Variants in FMO5 observed in about 807,000 individuals in gnomAD.
The protein encoded by FMO5 is flavin-containing monooxygenase 5.
A neutral mutation model predicts 43.6 loss-of-function variants in FMO5; 51 were observed. The observed-to-expected ratio is 1.17, with a 90% CI of 0.93 to 1.48. FMO5 has a LOEUF of 1.48. Ranked by LOEUF, FMO5 falls within the 40% of genes most tolerant of loss-of-function variation. The pLI is 0.00. For missense variants in FMO5, 644 were observed against 643.0 expected (o/e 1.00, Z -0.02); for synonymous variants, 187 against 216.5 (o/e 0.86, Z 1.20).
In FMO5 at chr1:147,213,299, G is replaced by C. The variant is rs1178936982; in HGVS notation, c.487+9C>G. The C allele has an allele frequency of 5.6e-6, 9 of 1,596,680 alleles. No homozygotes were observed. In the Admixed American group the frequency reaches 1.5e-4, roughly 27 times the overall value. ...GGTCAAGGGTCTTCCTTCCTGGTAA[G>C]CTGCTCACCAGGGAAGCTTTCCAGA... On this transcript the variant is annotated intron_variant, in intron 4 of 8. Transcript: ENST00000254090.
intron 2 of FMO5, among the ~76,000 whole-genome samples, chr1:147,220,999 G>A (rs1662919681): frequency 6.7e-6 from 1 of 149,218 alleles, no homozygotes; most frequent in South Asian, 2.1e-4. Flanking sequence ...CTTGATGGGA[G>A]GTGAGGAGAA....
At chr1:147,221,121 T>G (rs2102064370) in intron 2 of FMO5, among the ~76,000 whole-genome samples, 1 of 132,526 alleles carries the variant, frequency 7.5e-6, no homozygotes, top group African/African-American at 2.8e-5. Flanking sequence ...GCCCCAAAAC[T>G]ATCAAGGGCA....
At chr1:147,208,810 T>C in intron 6 of FMO5, 42 bp downstream of exon 6, 1 of 1,532,662 alleles carries the variant, frequency 6.5e-7, no homozygotes, top group South Asian at 1.1e-5. Context: ...CTTATTCTTG[T>C]GCTTTGGCCA....
chr1:147,188,154 C>A (rs1332394540), intron 8 of FMO5, among the ~76,000 whole-genome samples: 4 of 152,014 alleles, frequency 2.6e-5, no homozygotes, highest in Admixed American at 2.6e-4. Flanking sequence ...GAGAGCTTTC[C>A]CTTATGAACA....
Position 147,201,182 on chromosome 1 carries a change from G to T in FMO5, c.1153C>A (p.Gln385Lys). ...LGAIMPISEL[Q>K]GRWATQVFKG... ...AATACCTGAGTGGCCCAGCGTCCTTGGAGCTCTGAAATGGGCATAATGGCT... is the reference window on the plus strand; with the variant it reads ...AATACCTGAGTGGCCCAGCGTCCTTTGAGCTCTGAAATGGGCATAATGGCT... The change falls in exon 7 of 9, where the codon CAA (glutamine) becomes AAA (lysine). Residue 385 changes from glutamine (Q) to lysine (K), a missense_variant. Physicochemically the swap from Gln to Lys is moderately conservative, Grantham distance 53. Transcript: ENST00000254090. 2 of 1,613,730 alleles carry T rather than the reference G, an allele frequency of 1.2e-6. No homozygotes were observed. The highest frequency in any genetic ancestry group is 1.7e-6 in the Non-Finnish European group (2 of 1,179,852).
At chr1:147,190,144 G>T in intron 8 of FMO5, 33 bp downstream of exon 8, 1 of 1,366,742 alleles carries the variant, frequency 7.3e-7, no homozygotes, top group Non-Finnish European at 1.0e-6. Context: ...AAGTAGAAAT[G>T]TAACCATATA....
intron 7 of FMO5, among the ~76,000 whole-genome samples, chr1:147,198,702 C>T (rs781976503): frequency 1.3e-4 from 19 of 151,716 alleles, no homozygotes; most frequent in Admixed American, 2.6e-4. Context: ...CACAAAAAAA[C>T]TAGCCGGGCA....
At chr1:147,184,983 T>C (rs116082143), downstream of FMO5, among the ~76,000 whole-genome samples, 190 of 152,214 alleles carry the variant, frequency 1.2e-3, no homozygotes, top group African/African-American at 4.0e-3. The surrounding 1 kb of genome is among the most constrained non-coding windows in gnomAD (Gnocchi z 4.4). Flanking sequence ...AGAATATATA[T>C]ATATTTTTGT....
intron 8 of FMO5, among the ~76,000 whole-genome samples, chr1:147,188,454 T>G (rs1036119332): frequency 1.1e-4 from 15 of 135,902 alleles, no homozygotes; most frequent in Non-Finnish European, 1.8e-4. Context: ...CTCCAGGAAG[T>G]GGAGGTTGCA....
rs1803590 is a variant in FMO5, at chr1:147,186,543, C to T, written c.*357G>A. 3.2e-5 allele frequency: 32 copies of T among 1,006,336 alleles called. No individual in the cohort carries two copies. The highest frequency in any genetic ancestry group is 2.2e-4 in the African/African-American group (13 of 57,900). The allele number at this position is 1,006,336 out of a possible 1,614,324, so 62.3% of individuals were successfully genotyped here. On this transcript the variant is annotated 3_prime_UTR_variant, in exon 9 of 9. Transcript: ENST00000254090. Reference sequence around the variant, plus strand: ...TTACGTGGAGTAAGCGATTTTATACCGATGCTGACTTACTCTCCCTACCAT... The same window carrying T: ...TTACGTGGAGTAAGCGATTTTATACTGATGCTGACTTACTCTCCCTACCAT...
chr1:147,206,035 T>G (rs1659970724), intron 6 of FMO5, among the ~76,000 whole-genome samples: 4 of 151,160 alleles, frequency 2.6e-5, no homozygotes, highest in African/African-American at 7.3e-5. Context: ...AGGGCTAATA[T>G]CCAGAATCTA....
chr1:147,195,915 T>G (rs1200490775), intron 7 of FMO5, among the ~76,000 whole-genome samples: 2 of 152,164 alleles, frequency 1.3e-5, no homozygotes, highest in East Asian at 3.8e-4. Context: ...ATATAATTAT[T>G]TGACTGCTCT....
intron 6 of FMO5, chr1:147,204,625 A>G (rs1659639394): frequency 1.3e-6 from 2 of 1,590,884 alleles, no homozygotes; most frequent in South Asian, 2.2e-5. Context: ...TACCAGAACA[A>G]TGTTTGTGCC....
Position 147,213,291 on chromosome 1 carries a change from C to G in FMO5, c.487+17G>C, listed in dbSNP as rs1452119804. On this transcript the variant is annotated intron_variant, in intron 4 of 8. Transcript: ENST00000254090. The stretch of plus-strand genomic sequence containing the variant: ...CAGGCATGGGTCAAGGGTCTTCCTT[C>G]CTGGTAAGCTGCTCACCAGGGAAGC... 4.4e-6 allele frequency: 7 copies of G among 1,591,434 alleles called. No homozygotes were observed. The Admixed American group carries it at 8.6e-5, about 19-fold the overall frequency.
intron 2 of FMO5, among the ~76,000 whole-genome samples, chr1:147,223,132 C>T (rs1663348099): frequency 6.6e-6 from 1 of 152,184 alleles, no homozygotes; most frequent in African/African-American, 2.4e-5. Flanking sequence ...CCCAAAGTCA[C>T]ACTGCTAGTA....
chr1:147,186,425 T>C lies in FMO5; in HGVS notation c.*475A>G, dbSNP rs1553917012. 2.0e-5 allele frequency: 18 copies of C among 907,896 alleles called. No homozygotes were observed. Among genetic ancestry groups the C allele is most frequent in the Non-Finnish European group, 1.3e-6 (1 of 759,130 alleles). The allele number at this position is 907,896 out of a possible 1,614,324, so 56.2% of individuals were successfully genotyped here. On this transcript the variant is annotated 3_prime_UTR_variant, in exon 9 of 9. Coordinates refer to ENST00000254090, the MANE Select transcript of FMO5 (RefSeq NM_001461.4). Reference sequence around the variant, plus strand: ...ATACAACTATTGTAGGAACATTATTTCTCTTATCTCTCAGGAAACATATTT... The same window carrying C: ...ATACAACTATTGTAGGAACATTATTCCTCTTATCTCTCAGGAAACATATTT...
At chr1:147,211,867 G>T (rs1661125940) in intron 5 of FMO5, among the ~76,000 whole-genome samples, 1 of 152,194 alleles carries the variant, frequency 6.6e-6, no homozygotes, top group Admixed American at 6.5e-5. Context: ...CAGTTTGGAC[G>T]CTATACGGAT....
At position 147,187,022 on chromosome 1, in the gene FMO5, G is replaced by A. The variant is rs150439781; in HGVS notation, c.1480C>T (p.Arg494Cys). The A allele has an allele frequency of 5.0e-5, 81 of 1,613,978 alleles. No individual in the cohort carries two copies. The highest frequency in any genetic ancestry group is 6.7e-5 in the African/African-American group (5 of 75,032). ...CTTGTCATCAGAGGCTTCCTGATGC[G>A]ATCATCTGTGGTGAGGATAGCTTTT... is the stretch of plus-strand genomic sequence containing the variant. Reference protein sequence around the residue: ...ARKAILTTDDRIRKPLMTRVV... With the variant: ...ARKAILTTDDCIRKPLMTRVV... The change falls in exon 9 of 9, where the codon CGC becomes TGC. Residue 494 changes from arginine to cysteine, a missense_variant. By Grantham distance (180) the Arg-to-Cys change is radical (BLOSUM62 -3). Coordinates refer to ENST00000254090, the MANE Select transcript of FMO5 (RefSeq NM_001461.4).
At position 147,190,181 on chromosome 1, in the gene FMO5, T is replaced by C; in HGVS notation, c.1252A>G (p.Lys418Glu). 1 of 1,603,816 alleles carries C rather than the reference T, an allele frequency of 6.2e-7. No individual in the cohort carries two copies. Among genetic ancestry groups the C allele is most frequent in the Non-Finnish European group, 8.5e-7 (1 of 1,171,698 alleles). The stretch of plus-strand genomic sequence containing the variant: ...CTTCCTGGGAGAGTTTCTTACCTTT[T>C]GTCAATTTCCTCTTGAGCTTTAGAT... ...EISKAQEEID[K>E]RYVESQRHTI... The change falls in exon 8 of 9, where the codon AAA (lysine) becomes GAA (glutamate). Residue 418 changes from lysine to glutamate, a missense_variant. By Grantham distance (56) the Lys-to-Glu change is moderately conservative (BLOSUM62 1). Coordinates refer to ENST00000254090, the MANE Select transcript of FMO5 (RefSeq NM_001461.4).
Sources: gnomAD v4.1 joint callset for allele counts (sites outside exome capture counted in the v4.1 genomes callset) on GRCh38, gnomAD v4.1.1 for gene constraint, Gnocchi (gnomAD v3.1) non-coding constraint, MANE v1.5 for transcripts, NCBI Gene and HGNC (gene_info 2026-07-23, HGNC 2026-07-21) for gene names.